The following GXYLT1 variants were observed in gnomAD, a reference collection of about 807,000 sequenced individuals.
GXYLT1 encodes the protein glucoside xylosyltransferase 1.
GXYLT1 carries 29 observed loss-of-function variants against 54.0 expected under a neutral mutation model. The ratio of observed to expected loss-of-function variants is 0.54; its 90% CI spans 0.40 to 0.73. GXYLT1 has a LOEUF of 0.73. Among genes scored for constraint, GXYLT1 ranks in the 30% least tolerant of loss-of-function variants. The pLI is 0.00. For synonymous variants in GXYLT1, 176 were observed against 204.1 expected (o/e 0.86, Z 1.17); for missense variants, 490 against 553.4 (o/e 0.89, Z 1.15).
chr12:42,097,513 GA>G lies in GXYLT1; in HGVS notation c.1089del (p.His364MetfsTer22). ...TCATGGTAAACACCTCTGTTCCCAT[GA>G]AGAATAAAGATTCCTCCTTCTTCTG... is the stretch of plus-strand genomic sequence containing the variant. Reference protein sequence around the residue: ...QEAEEGGIFILHGNRGVYHDD... With the variant: ...QEAEEGGIFIXHGNRGVYHDD... On this transcript the variant is annotated frameshift_variant, in exon 7 of 8. Coordinates refer to ENST00000398675, the MANE Select transcript of GXYLT1 (RefSeq NM_173601.2). LOFTEE classifies it high-confidence loss of function. The G allele has an allele frequency of 6.2e-7, 1 of 1,611,602 alleles. No homozygotes were observed. Among genetic ancestry groups the G allele is most frequent in the Non-Finnish European group, 8.5e-7 (1 of 1,179,206 alleles).
rs1050724930 is a variant in GXYLT1 at position 42,083,689 on chromosome 12, AAGT to A, written c.*4094_*4096del. 122 of 152,424 alleles carry A rather than the reference AAGT, an allele frequency of 8.0e-4. 2 individuals are homozygous for A. The highest frequency in any genetic ancestry group is 2.8e-3 in the African/African-American group (118 of 41,606). 9.4% of individuals were successfully genotyped at this position (152,424 alleles called of 1,614,324 possible). A position where few individuals can be genotyped will look rare whatever the true frequency, so the allele number is the denominator to read the frequency against. ...AATCTACTCAGAATGGTTCAACTGA[AAGT>A]ATCCCAACTGAGGAATAAATAGGTG... On this transcript the variant is annotated 3_prime_UTR_variant, in exon 8 of 8. Coordinates refer to ENST00000398675, the MANE Select transcript of GXYLT1 (RefSeq NM_173601.2).
chr12:42,130,947 G>A (rs1036706058), intron 1 of GXYLT1, among the ~76,000 whole-genome samples: 1 of 151,940 alleles, frequency 6.6e-6, no homozygotes, highest in African/African-American at 2.4e-5. Flanking sequence ...AAGAGACTCT[G>A]TCTCAAACAA....
intron 2 of GXYLT1, among the ~76,000 whole-genome samples, chr12:42,123,350 G>T (rs904840268): frequency 6.6e-6 from 1 of 152,164 alleles, no homozygotes; most frequent in Non-Finnish European, 1.5e-5. Context: ...CCTAATGCCT[G>T]CTGTCTCTCA....
At position 42,084,330 on chromosome 12, in the gene GXYLT1, T is replaced by C. The variant is rs74542742; in HGVS notation, c.*3456A>G. Reference sequence around the variant, plus strand: ...CCTCTCTTTTCCTTCTTTTTTGATTTAGTTACATCATTCTTTTCTTCTCTA... The same window carrying C: ...CCTCTCTTTTCCTTCTTTTTTGATTCAGTTACATCATTCTTTTCTTCTCTA... On this transcript the variant is annotated 3_prime_UTR_variant, in exon 8 of 8. Transcript: ENST00000398675. The C allele has an allele frequency of 0.1, 3,066 of 30,120 alleles. No homozygotes were observed. Among genetic ancestry groups the C allele is most frequent in the African/African-American group, 0.12 (975 of 8,170 alleles). 1.9% of individuals were successfully genotyped at this position (30,120 alleles called of 1,614,324 possible).
chr12:42,094,927 A>G (rs921323458), intron 7 of GXYLT1, among the ~76,000 whole-genome samples: 2 of 152,158 alleles, frequency 1.3e-5, no homozygotes, highest in African/African-American at 4.8e-5. Flanking sequence ...AAATGGGTGA[A>G]CTTTGTGGTA....
intron 3 of GXYLT1, among the ~76,000 whole-genome samples, chr12:42,112,434 G>A (rs2065463920): frequency 6.6e-6 from 1 of 152,174 alleles, no homozygotes; most frequent in South Asian, 2.1e-4. Context: ...AACCAATGCA[G>A]AGAAGTCCTT....
chr12:42,131,673 C>G (rs1010525799), intron 1 of GXYLT1, among the ~76,000 whole-genome samples: 1 of 152,170 alleles, frequency 6.6e-6, no homozygotes, highest in South Asian at 2.1e-4. Context: ...GTGTATGTAT[C>G]GGTAAAACTT....
In GXYLT1 at chr12:42,087,678, A is replaced by T; in HGVS notation, c.*108T>A. On this transcript the variant is annotated 3_prime_UTR_variant, in exon 8 of 8. Transcript: ENST00000398675. ...TAACTTCTTTAGGAAAAAAAAAATT[A>T]TTCTGGAGATGAGTAATTCCTTCCT... 2.6e-6 allele frequency: 2 copies of T among 765,936 alleles called. No individual in the cohort carries two copies. Among genetic ancestry groups the T allele is most frequent in the South Asian group, 3.9e-5 (2 of 51,682 alleles). 47.4% of individuals were successfully genotyped at this position (765,936 alleles called of 1,614,324 possible).
In GXYLT1 at chr12:42,140,006, G is replaced by A. The variant is rs551339618; in HGVS notation, c.221+4420C>T. 2.1e-4 allele frequency among the ~76,000 whole-genome samples: 32 copies of A among 151,718 alleles called. 1 individual carries two copies. In the South Asian group the frequency reaches 6.7e-3, roughly 32 times the overall value. On this transcript the variant is annotated intron_variant, in intron 1 of 7. Transcript: ENST00000398675. ...ACCATCCTGGCTAACATGGTGAAAC[G>A]CCGTCTCTACTAAAAATACAAAAAA...
chr12:42,129,065 C>A (rs2065579581), intron 2 of GXYLT1, among the ~76,000 whole-genome samples: 1 of 152,202 alleles, frequency 6.6e-6, no homozygotes, highest in Middle Eastern at 3.4e-3. Flanking sequence ...AACCTTTGCC[C>A]CACTCTCCTC....
intron 1 of GXYLT1, among the ~76,000 whole-genome samples, chr12:42,134,368 G>A (rs2065608421): frequency 6.6e-6 from 1 of 152,150 alleles, no homozygotes; most frequent in South Asian, 2.1e-4. Context: ...GTGGAGTGCA[G>A]TGGTACAAAC....
intron 3 of GXYLT1, among the ~76,000 whole-genome samples, chr12:42,110,477 A>G (rs540317090): frequency 1.3e-5 from 2 of 152,356 alleles, no homozygotes; most frequent in African/African-American, 2.4e-5. Context: ...TAAAACACTA[A>G]TATCTTCCAA....
At chr12:42,142,390 AC>A (rs1365435674) in intron 1 of GXYLT1, among the ~76,000 whole-genome samples, 3 of 150,116 alleles carry the variant, frequency 2.0e-5, no homozygotes, top group East Asian at 3.9e-4. Context: ...AGGTTGGATT[AC>A]ACTGGTGCAA....
chr12:42,096,141 AATCAGGTGTGAACACATTAAC>A (rs1057289197), intron 7 of GXYLT1, among the ~76,000 whole-genome samples: 5 of 152,174 alleles, frequency 3.3e-5, no homozygotes, highest in Admixed American at 3.3e-4. Context: ...GGAATTAGAG[AATCAGGTGTGAACACATTAAC>A]ATCATGTGTG....
intron 5 of GXYLT1, among the ~76,000 whole-genome samples, chr12:42,099,397 T>G (rs1478721153): frequency 6.6e-6 from 1 of 152,216 alleles, no homozygotes; most frequent in African/African-American, 2.4e-5. Context: ...ATATCCTTAA[T>G]GTTTATAGTA....
chr12:42,134,830 A>T (rs1161018259), intron 1 of GXYLT1, among the ~76,000 whole-genome samples: 1 of 152,212 alleles, frequency 6.6e-6, no homozygotes, highest in Non-Finnish European at 1.5e-5. Context: ...CTAGTCTCAT[A>T]CCTATTACCA....
chr12:42,110,230 T>C (rs896461903), intron 3 of GXYLT1, among the ~76,000 whole-genome samples: 2 of 152,204 alleles, frequency 1.3e-5, no homozygotes, highest in Non-Finnish European at 2.9e-5. Context: ...AAAAGCAAAA[T>C]GTATCTGAAA....
chr12:42,118,577 T>C (rs1376498099), intron 3 of GXYLT1, among the ~76,000 whole-genome samples: 1 of 152,256 alleles, frequency 6.6e-6, no homozygotes, highest in Non-Finnish European at 1.5e-5. Flanking sequence ...AAACAACTGA[T>C]ATGGTTTGGC....
At chr12:42,142,159 T>C (rs1242182826) in intron 1 of GXYLT1, among the ~76,000 whole-genome samples, 2 of 152,100 alleles carry the variant, frequency 1.3e-5, no homozygotes, top group Admixed American at 1.3e-4. Flanking sequence ...GCCCACTGAG[T>C]CCACTATCTA....
Sources: gnomAD v4.1 joint callset for allele counts (sites outside exome capture counted in the v4.1 genomes callset) on GRCh38, gnomAD v4.1.1 for gene constraint, MANE v1.5 for transcripts, NCBI Gene and HGNC (gene_info 2026-07-23, HGNC 2026-07-21) for gene names.